Variants in PUM3 observed in about 807,000 individuals in gnomAD.
PUM3 encodes pumilio homolog 3.
PUM3 carries 91 observed loss-of-function variants against 84.0 expected under a neutral mutation model. The observed-to-expected ratio is 1.08, with a 90% CI of 0.91 to 1.29. PUM3 has a LOEUF of 1.29. PUM3 is among the 50% of genes most tolerant of loss of function. The pLI, the probability that PUM3 is intolerant of heterozygous loss-of-function variation, is 0.00. For missense variants in PUM3, 1,067 were observed against 767.5 expected, an observed-to-expected ratio of 1.39 and a Z score of -4.61; for synonymous variants, 321 against 266.7, an observed-to-expected ratio of 1.20 and a Z score of -1.98.
At position 2,830,486 on chromosome 9, in the gene PUM3, A is replaced by T. The variant is rs572021158; in HGVS notation, c.677+476T>A. On this transcript the variant is annotated intron_variant, in intron 7 of 17. Transcript: ENST00000397885. ...TCAGTTTACTCACCTGTCCCTCCCC[A>T]GTCTCCACCCTCTTAATACTGGTGG... Among the ~76,000 whole-genome samples the T allele has an allele frequency of 5.2e-4, 79 of 152,280 alleles. 1 individual carries two copies. The highest frequency in any genetic ancestry group is 1.7e-3 in the African/African-American group (72 of 41,548).
At position 2,831,083 on chromosome 9, in the gene PUM3, A is replaced by G. The variant is rs1815965722; in HGVS notation, c.611-55T>C. ...TCAGATCTCATTTCAGTTCTCTGGAAACAAAGGGAGGAAATTTGTCCCAGG... is the reference window on the plus strand; with the variant it reads ...TCAGATCTCATTTCAGTTCTCTGGAGACAAAGGGAGGAAATTTGTCCCAGG... On this transcript the variant is annotated intron_variant, in intron 6 of 17. Coordinates refer to ENST00000397885, the MANE Select transcript of PUM3 (RefSeq NM_014878.5). 2.8e-6 allele frequency: 3 copies of G among 1,061,912 alleles called. No individual in the cohort carries two copies. The East Asian group carries it at 7.3e-5, about 26-fold the overall frequency. The allele number at this position is 1,061,912 out of a possible 1,614,324, so 65.8% of individuals were successfully genotyped here.
intron 4 of PUM3, among the ~76,000 whole-genome samples, chr9:2,833,661 C>T (rs1393860895): frequency 6.6e-6 from 1 of 150,486 alleles, no homozygotes; most frequent in Non-Finnish European, 1.5e-5. Flanking sequence ...CAATCCAAAT[C>T]TTAACAGCCA....
intron 13 of PUM3, among the ~76,000 whole-genome samples, chr9:2,815,202 A>T (rs1821446827): frequency 2.0e-5 from 3 of 152,224 alleles, no homozygotes; most frequent in Admixed American, 2.0e-4. Context: ...AAACTAAAAA[A>T]CATTTCTTCA....
chr9:2,806,848 T>C (rs919805628), intron 17 of PUM3, among the ~76,000 whole-genome samples: 1 of 152,194 alleles, frequency 6.6e-6, no homozygotes, highest in Non-Finnish European at 1.5e-5. Context: ...GGAAATTACA[T>C]GTAGAATTAG....
At chr9:2,823,650 G>A in intron 12 of PUM3, 131 bp downstream of exon 12, 1 of 468,320 alleles carries the variant, frequency 2.1e-6, no homozygotes, top group East Asian at 3.5e-5. Flanking sequence ...ACATGTAGAT[G>A]CAAAGAAAAA....
At chr9:2,832,304 T>C (rs558883277) in intron 5 of PUM3, among the ~76,000 whole-genome samples, 78 of 152,304 alleles carry the variant, frequency 5.1e-4, no homozygotes, top group African/African-American at 1.8e-3. Flanking sequence ...CTGTTACTAT[T>C]CCCACTTTAC....
chr9:2,839,241 C>T (rs1205790530), intron 1 of PUM3, among the ~76,000 whole-genome samples: 1 of 152,160 alleles, frequency 6.6e-6, no homozygotes, highest in Admixed American at 6.5e-5. Flanking sequence ...CAGAACAGAT[C>T]AAGAGAAAAA....
At position 2,838,445 on chromosome 9, in the gene PUM3, GT is replaced by G; in HGVS notation, c.62del (p.Asn21ThrfsTer45). 1 of 1,611,318 alleles carries G rather than the reference GT, an allele frequency of 6.2e-7. No homozygotes were observed. The highest frequency in any genetic ancestry group is 8.5e-7 in the Non-Finnish European group (1 of 1,177,648). On this transcript the variant is annotated frameshift_variant, in exon 2 of 18. Coordinates refer to ENST00000397885, the MANE Select transcript of PUM3 (RefSeq NM_014878.5). LOFTEE classifies it high-confidence loss of function. ...GKSTKTAQEK[N>X]RFHKNSDSGS... The stretch of plus-strand genomic sequence containing the variant: ...TCTTACCACTATTTTTATGAAATCT[GT>G]TTTTTTCTTGTGCTGTCTTTGTACT...
Position 2,838,295 on chromosome 9 carries a change from C to T in PUM3, c.82+131G>A, listed in dbSNP as rs76829164. The T allele has an allele frequency of 4.2e-3, 2,888 of 682,332 alleles. 33 individuals are homozygous for T. The highest frequency in any genetic ancestry group is 0.026 in the African/African-American group (1,488 of 56,396). The allele number at this position is 682,332 out of a possible 1,614,324, so 42.3% of individuals were successfully genotyped here. A position where few individuals can be genotyped will look rare whatever the true frequency, so the allele number is the denominator to read the frequency against. On this transcript the variant is annotated intron_variant, in intron 2 of 17. Transcript: ENST00000397885. ...GTCATGAGCAACATGTTAACTCATA[C>T]ACAATAACACATACTTCTTCCTACT...
At chr9:2,837,562 A>T (rs1816161420) in intron 2 of PUM3, among the ~76,000 whole-genome samples, 161 bp from the exon 3 acceptor site, 1 of 152,232 alleles carries the variant, frequency 6.6e-6, no homozygotes, top group Non-Finnish European at 1.5e-5. Context: ...GGATTTAAAC[A>T]ATCAAAACAA....
At chr9:2,841,564 T>A (rs1043644263) in intron 1 of PUM3, among the ~76,000 whole-genome samples, 1 of 152,182 alleles carries the variant, frequency 6.6e-6, no homozygotes, top group African/African-American at 2.4e-5. Flanking sequence ...TGAGACTCTA[T>A]TTCAAATGTT....
At chr9:2,827,185 C>A (rs1191279206) in intron 9 of PUM3, 34 bp from the exon 10 acceptor site, 2 of 1,479,694 alleles carry the variant, frequency 1.4e-6, no homozygotes, top group Non-Finnish European at 1.9e-6. Flanking sequence ...AAAGACACAA[C>A]AGATCTGGCA....
In PUM3 at chr9:2,837,230, G is replaced by A; in HGVS notation, c.254C>T (p.Ala85Val). 1 of 1,614,070 alleles carries A rather than the reference G, an allele frequency of 6.2e-7. No homozygotes were observed. The highest frequency in any genetic ancestry group is 8.5e-7 in the Non-Finnish European group (1 of 1,179,984). Residue 85 changes from alanine to valine, a missense_variant, in exon 3 of 18, where the codon GCA becomes GTA. Transcript: ENST00000397885. ...TTTTCTCTTCTTGTTGAATTTATTT[G>A]CCGGCTGGAATTTGTTCTTTGGTGA... is the stretch of plus-strand genomic sequence containing the variant. The part of the protein sequence containing the change: ...DKSPKNKFQP[A>V]NKFNKKRKFQ...
At chr9:2,811,251 T>G in intron 15 of PUM3, 110 bp downstream of exon 15, 1 of 804,906 alleles carries the variant, frequency 1.2e-6, no homozygotes, top group Non-Finnish European at 2.1e-6. Flanking sequence ...TGGTTGTTTA[T>G]TCAACAGGTA....
At position 2,823,824 on chromosome 9, in the gene PUM3, A is replaced by T. The variant is rs1238102553; in HGVS notation, c.1145T>A (p.Val382Glu). Residue 382 changes from valine (V) to glutamate (E), a missense_variant, in exon 12 of 18, where the codon GTG (valine) becomes GAG (glutamate). Val to Glu is a moderately radical substitution (Grantham distance 121). Transcript: ENST00000397885. ...LWHGTPKDRK[V>E]IVKTMKTYVE... is the part of the protein sequence containing the mutation. ...ATAAGTCTTCATTGTTTTCACAATCACTTTCCTGTCCTTAAAAAGGAAAGA... is the reference window on the plus strand; with the variant it reads ...ATAAGTCTTCATTGTTTTCACAATCTCTTTCCTGTCCTTAAAAAGGAAAGA... The T allele has an allele frequency of 6.5e-7, 1 of 1,533,330 alleles. No homozygotes were observed. 95.0% of individuals were successfully genotyped at this position (1,533,330 alleles called of 1,614,324 possible). A position where few individuals can be genotyped will look rare whatever the true frequency, so the allele number is the denominator to read the frequency against.
In PUM3 at chr9:2,811,502, G is replaced by GGCATGTTC; in HGVS notation, c.1493_1494insGAACATGC (p.Gln499AsnfsTer8). The GGCATGTTC allele has an allele frequency of 6.2e-7, 1 of 1,614,102 alleles. No homozygotes were observed. Among genetic ancestry groups the GGCATGTTC allele is most frequent in the Non-Finnish European group, 8.5e-7 (1 of 1,180,024 alleles). Reference sequence around the variant, plus strand: ...CAGACTTATCTAGCACCACTTCTTGGGCGTGTTCTTGCAGGTAGCTTAACA... The same window carrying GGCATGTTC: ...CAGACTTATCTAGCACCACTTCTTGGGCATGTTCGCGTGTTCTTGCAGGTAGCTTAACA... On this transcript the variant is annotated frameshift_variant, in exon 15 of 18. Transcript: ENST00000397885. LOFTEE classifies it high-confidence loss of function.
intron 10 of PUM3, among the ~76,000 whole-genome samples, chr9:2,825,403 A>G (rs892922478): frequency 2.6e-5 from 4 of 152,212 alleles, no homozygotes; most frequent in Non-Finnish European, 5.9e-5. Flanking sequence ...CTTTAGTAAA[A>G]AACATTTAAT....
intron 10 of PUM3, among the ~76,000 whole-genome samples, chr9:2,826,784 G>A (rs757752389): frequency 9.2e-5 from 14 of 151,846 alleles, no homozygotes; most frequent in East Asian, 1.9e-4. Context: ...ATTCCTCCAC[G>A]AGTTAGTTAA....
intron 13 of PUM3, among the ~76,000 whole-genome samples, chr9:2,816,724 G>A (rs1175594794): frequency 1.3e-5 from 2 of 152,144 alleles, no homozygotes; most frequent in Non-Finnish European, 2.9e-5. Flanking sequence ...AGGTTTGTGA[G>A]CCCTGGGTGA....
Sources: allele counts gnomAD v4.1 joint callset (sites outside exome capture counted in the v4.1 genomes callset), GRCh38; gene constraint gnomAD v4.1.1; transcripts MANE v1.5; gene names NCBI Gene and HGNC (gene_info 2026-07-23, HGNC 2026-07-21).